The following CFAP157 variants were observed in gnomAD, a reference collection of about 807,000 sequenced individuals.
The protein encoded by CFAP157 is cilia- and flagella-associated protein 157.
Under a neutral mutation model 57.8 loss-of-function variants are expected in CFAP157, and 43 were observed. The observed-to-expected ratio is 0.74, with a 90% CI of 0.58 to 0.96. The LOEUF (loss-of-function observed/expected upper bound fraction) is 0.96. CFAP157 is among the 40% of genes least tolerant of loss of function. The probability of loss-of-function intolerance (pLI) is 0.00; values close to 1 mark genes in which losing one functional copy is unlikely to be tolerated. For missense variants in CFAP157, 606 were observed against 655.3 expected, an observed-to-expected ratio of 0.92 and a Z score of 0.82; for synonymous variants, 267 against 269.0, an observed-to-expected ratio of 0.99 and a Z score of 0.07.
intron 4 of CFAP157, 46 bp from the exon 5 acceptor site, chr9:127,711,774 G>A (rs554195043): frequency 6.5e-7 from 1 of 1,537,878 alleles, no homozygotes; most frequent in Admixed American, 2.0e-5. Flanking sequence ...TCTGCAGCTG[G>A]GGGACAGGGC....
chr9:127,715,079 T>C lies in CFAP157; in HGVS notation c.*1174T>C. ...GGCCAGGGCGAGGTCGGCGGCACAG[T>C]GCCGGTCGCGCGTCCAACTCTCCGC... On this transcript the variant is annotated 3_prime_UTR_variant, in exon 9 of 9. Coordinates refer to ENST00000373295, the MANE Select transcript of CFAP157 (RefSeq NM_001012502.3). The surrounding 1 kb of genome is among the most constrained non-coding windows in gnomAD (Gnocchi z 5.8). 6.5e-7 allele frequency: 1 copy of C among 1,531,708 alleles called. No individual in the cohort carries two copies. The highest frequency in any genetic ancestry group is 8.7e-7 in the Non-Finnish European group (1 of 1,145,118). The allele number at this position is 1,531,708 out of a possible 1,614,324, so 94.9% of individuals were successfully genotyped here.
chr9:127,715,176 G>C lies in CFAP157; in HGVS notation c.*1271G>C, dbSNP rs1333314638. The C allele has an allele frequency of 6.5e-7, 1 of 1,529,390 alleles. No individual in the cohort carries two copies. The highest frequency in any genetic ancestry group is 2.0e-5 in the Admixed American group (1 of 50,162). 94.7% of individuals were successfully genotyped at this position (1,529,390 alleles called of 1,614,324 possible). On this transcript the variant is annotated 3_prime_UTR_variant, in exon 9 of 9. Coordinates refer to ENST00000373295, the MANE Select transcript of CFAP157 (RefSeq NM_001012502.3). This position sits in a 1 kb window ranked among gnomAD's most constrained non-coding sequence, Gnocchi z 5.8. The stretch of plus-strand genomic sequence containing the variant: ...CTGTGTCGCGTGCCGGGCAGTCCGG[G>C]ATTCCCCAGGCCAGCCACCTGCGGG...
rs560781863 is a variant in CFAP157 at position 127,709,201 on chromosome 9, A to G, written c.162-221A>G. On this transcript the variant is annotated intron_variant, in intron 1 of 8. Coordinates refer to ENST00000373295, the MANE Select transcript of CFAP157 (RefSeq NM_001012502.3). The surrounding 1 kb of genome is among the most constrained non-coding windows in gnomAD (Gnocchi z 4.7). Reference sequence around the variant, plus strand: ...AAGGCCCTGCCCTCATGGAGTTTACATTCTAGTGATGTAATGAAAATAACA... The same window carrying G: ...AAGGCCCTGCCCTCATGGAGTTTACGTTCTAGTGATGTAATGAAAATAACA... 1.4e-3 allele frequency among the ~76,000 whole-genome samples: 211 copies of G among 152,378 alleles called. No individual in the cohort carries two copies. Among genetic ancestry groups the G allele is most frequent in the Non-Finnish European group, 2.5e-3 (168 of 68,038 alleles).
At chr9:127,711,103 A>G (rs968023325) in intron 3 of CFAP157, 126 bp from the exon 4 acceptor site, 3 of 1,258,200 alleles carry the variant, frequency 2.4e-6, no homozygotes, top group South Asian at 3.1e-5. Flanking sequence ...CATAGCCCCA[A>G]CCCTCCCAGG....
Position 127,715,974 on chromosome 9 carries a change from T to A in CFAP157, c.*2069T>A. The stretch of plus-strand genomic sequence containing the variant: ...CCTTTCCCCGCTGTAGGCCTCAACC[T>A]CTCCAGCTAATAAAAGTTTTCTACC... On this transcript the variant is annotated 3_prime_UTR_variant, in exon 9 of 9. Transcript: ENST00000373295. This position sits in a 1 kb window ranked among gnomAD's most constrained non-coding sequence, Gnocchi z 5.8. 1 of 957,506 alleles carries A rather than the reference T, an allele frequency of 1.0e-6. No homozygotes were observed. The highest frequency in any genetic ancestry group is 1.6e-6 in the Non-Finnish European group (1 of 627,338). The allele number at this position is 957,506 out of a possible 1,614,324, so 59.3% of individuals were successfully genotyped here. A position where few individuals can be genotyped will look rare whatever the true frequency, so the allele number is the denominator to read the frequency against.
Position 127,715,109 on chromosome 9 carries a change from CCCAGCCG to C in CFAP157, c.*1207_*1213del. The C allele has an allele frequency of 6.5e-7, 1 of 1,534,132 alleles. No homozygotes were observed. The highest frequency in any genetic ancestry group is 8.7e-7 in the Non-Finnish European group (1 of 1,146,050). Reference sequence around the variant, plus strand: ...GTCGCGCGTCCAACTCTCCGCCACACCCAGCCGCCGCGCCAGCTGCCCCAGCACCGCC... The same window carrying C: ...GTCGCGCGTCCAACTCTCCGCCACACCCGCGCCAGCTGCCCCAGCACCGCC... On this transcript the variant is annotated 3_prime_UTR_variant, in exon 9 of 9. Transcript: ENST00000373295. This position sits in a 1 kb window ranked among gnomAD's most constrained non-coding sequence, Gnocchi z 5.8.
Position 127,711,835 on chromosome 9 carries a change from A to T in CFAP157, c.871A>T (p.Thr291Ser). 2 of 1,569,928 alleles carry T rather than the reference A, an allele frequency of 1.3e-6. No homozygotes were observed. The highest frequency in any genetic ancestry group is 1.7e-6 in the Non-Finnish European group (2 of 1,157,638). ...RGHQKIILMLTKKCQEQQQDT... is the reference protein window; with the variant it reads ...RGHQKIILMLSKKCQEQQQDT... ...GCACCCGCAGATCATCCTCATGCTGACTAAGAAGTGCCAGGAGCAGCAGCA... is the reference window on the plus strand; with the variant it reads ...GCACCCGCAGATCATCCTCATGCTGTCTAAGAAGTGCCAGGAGCAGCAGCA... The change falls in exon 5 of 9, where the codon ACT (threonine) becomes TCT (serine). Residue 291 changes from threonine (T) to serine (S), a missense_variant. Physicochemically the swap from Thr to Ser is moderately conservative, Grantham distance 58. Transcript: ENST00000373295.
intron 1 of CFAP157, among the ~76,000 whole-genome samples, chr9:127,708,316 A>G (rs1451642283): frequency 6.6e-6 from 1 of 152,074 alleles, no homozygotes; most frequent in Non-Finnish European, 1.5e-5. Context: ...GTCTCTACTA[A>G]AAATACAAAA....
Position 127,712,184 on chromosome 9 carries a change from C to T in CFAP157, c.987-15C>T. 1 of 1,613,590 alleles carries T rather than the reference C, an allele frequency of 6.2e-7. No individual in the cohort carries two copies. The highest frequency in any genetic ancestry group is 8.5e-7 in the Non-Finnish European group (1 of 1,179,864). On this transcript the variant is annotated splice_polypyrimidine_tract_variant and intron_variant, in intron 5 of 8. Coordinates refer to ENST00000373295, the MANE Select transcript of CFAP157 (RefSeq NM_001012502.3). ...GAAGGGGGAAGGCTGTTGACTCATC[C>T]CAGTTGGGGTCCAGGAGCCAGAGAG... is the stretch of plus-strand genomic sequence containing the variant.
At position 127,711,398 on chromosome 9, in the gene CFAP157, G is replaced by C. The variant is rs781304068; in HGVS notation, c.757G>C (p.Glu253Gln). Residue 253 changes from glutamate to glutamine, a missense_variant, in exon 4 of 9, where the codon GAG becomes CAG. By Grantham distance (29) the Glu-to-Gln change is conservative (BLOSUM62 2). Coordinates refer to ENST00000373295, the MANE Select transcript of CFAP157 (RefSeq NM_001012502.3). ...AGGCATGAAGCTGCTGCAGGAGAAT[G>C]AGCAGCTCAAGGGAAGACAGAACAA... ...QQGMKLLQEN[E>Q]QLKGRQNNLC... 4.3e-6 allele frequency: 7 copies of C among 1,614,070 alleles called. No homozygotes were observed. The African/African-American group carries it at 9.3e-5, about 22-fold the overall frequency.
In CFAP157 at chr9:127,712,387, G is replaced by A. The variant is rs369379655; in HGVS notation, c.1137+38G>A. 30 of 1,608,900 alleles carry A rather than the reference G, an allele frequency of 1.9e-5. No individual in the cohort carries two copies. In the African/African-American group the frequency reaches 3.1e-4, roughly 16 times the overall value. On this transcript the variant is annotated intron_variant, in intron 6 of 8. Coordinates refer to ENST00000373295, the MANE Select transcript of CFAP157 (RefSeq NM_001012502.3). ...GAGAGAGGGAGGGCGCAAGGGGAGGGGGAGTGAGCGCAAGATGGAAGCTGC... is the reference window on the plus strand; with the variant it reads ...GAGAGAGGGAGGGCGCAAGGGGAGGAGGAGTGAGCGCAAGATGGAAGCTGC...
intron 1 of CFAP157, among the ~76,000 whole-genome samples, chr9:127,708,631 A>G (rs1322918523): frequency 6.6e-6 from 1 of 152,246 alleles, no homozygotes; most frequent in East Asian, 1.9e-4. Context: ...CAGGTAGAAT[A>G]TATTCAAGGC....
chr9:127,715,780 CGGCGAGGCGGTG>C lies in CFAP157; in HGVS notation c.*1877_*1888del, dbSNP rs1842964923. 2.7e-6 allele frequency: 4 copies of C among 1,486,634 alleles called. No homozygotes were observed. Among genetic ancestry groups the C allele is most frequent in the Non-Finnish European group, 1.8e-6 (2 of 1,119,410 alleles). 92.1% of individuals were successfully genotyped at this position (1,486,634 alleles called of 1,614,324 possible). A position where few individuals can be genotyped will look rare whatever the true frequency, so the allele number is the denominator to read the frequency against. On this transcript the variant is annotated 3_prime_UTR_variant, in exon 9 of 9. Transcript: ENST00000373295. This position sits in a 1 kb window ranked among gnomAD's most constrained non-coding sequence, Gnocchi z 5.8. ...CCGCCATGCTTCTGAGGGGCGGAAG[CGGCGAGGCGGTG>C]GCCGAGTCCGGGAACCCAGGCGCCT...
chr9:127,709,455 G>A lies in CFAP157; in HGVS notation c.195G>A (p.Gln65=). Residue 65 remains glutamine (Q), a synonymous_variant, in exon 2 of 9, where the codon CAG becomes CAA. Coordinates refer to ENST00000373295, the MANE Select transcript of CFAP157 (RefSeq NM_001012502.3). The surrounding 1 kb of genome is among the most constrained non-coding windows in gnomAD (Gnocchi z 4.7). ...GGAAGTGGGATGAGCTGGCTGTGCA[G>A]GAGAAGATGTTCCGCCAGGAGTTTG... The part of the protein sequence containing the change: ...YQRKWDELAV[Q]EKMFRQEFEQ... 6.2e-7 allele frequency: 1 copy of A among 1,613,786 alleles called. No homozygotes were observed. The highest frequency in any genetic ancestry group is 8.5e-7 in the Non-Finnish European group (1 of 1,179,962).
At chr9:127,712,468 C>T in intron 6 of CFAP157, 119 bp downstream of exon 6, 1 of 1,466,212 alleles carries the variant, frequency 6.8e-7, no homozygotes, top group Non-Finnish European at 9.2e-7. Context: ...TGAGAGACTC[C>T]TGGAAAGTCT....
chr9:127,709,348 G>A lies in CFAP157; in HGVS notation c.162-74G>A, dbSNP rs1299691563. 13 of 1,497,374 alleles carry A rather than the reference G, an allele frequency of 8.7e-6. No individual in the cohort carries two copies. Among genetic ancestry groups the A allele is most frequent in the Non-Finnish European group, 1.2e-5 (13 of 1,102,514 alleles). 92.8% of individuals were successfully genotyped at this position (1,497,374 alleles called of 1,614,324 possible). ...CCTTTACGGGACAGGGAGTCCAGGA[G>A]AGTGGGCCCAGCTGCACCAGAGGCC... On this transcript the variant is annotated intron_variant, in intron 1 of 8. Coordinates refer to ENST00000373295, the MANE Select transcript of CFAP157 (RefSeq NM_001012502.3). This position sits in a 1 kb window ranked among gnomAD's most constrained non-coding sequence, Gnocchi z 4.7.
Position 127,712,839 on chromosome 9 carries a change from A to G in CFAP157, c.1268A>G (p.His423Arg). The G allele has an allele frequency of 1.2e-6, 2 of 1,613,378 alleles. No individual in the cohort carries two copies. Among genetic ancestry groups the G allele is most frequent in the Non-Finnish European group, 1.7e-6 (2 of 1,179,650 alleles). The stretch of plus-strand genomic sequence containing the variant: ...AGACCTCAGAAGGCTGCGTGTCCCC[A>G]CCAGGAGTCACAGTCCCATGGCCCA... Reference protein sequence around the residue: ...ATRPQKAACPHQESQSHGPPK... With the variant: ...ATRPQKAACPRQESQSHGPPK... The change falls in exon 7 of 9, where the codon CAC (histidine) becomes CGC (arginine). Residue 423 changes from histidine to arginine, a missense_variant. Transcript: ENST00000373295.
intron 5 of CFAP157, 25 bp from the exon 6 acceptor site, chr9:127,712,174 T>C (rs1842781136): frequency 3.1e-6 from 5 of 1,613,068 alleles, no homozygotes; most frequent in Non-Finnish European, 4.2e-6. Flanking sequence ...GGGAAGGCTG[T>C]TGACTCATCC....
In CFAP157 at chr9:127,715,753, G is replaced by A. The variant is rs561766440; in HGVS notation, c.*1848G>A. ...ACGTCCAATCCGGGCCGGGCTACGT[G>A]GCCGCCATGCTTCTGAGGGGCGGAA... On this transcript the variant is annotated 3_prime_UTR_variant, in exon 9 of 9. Transcript: ENST00000373295. This position sits in a 1 kb window ranked among gnomAD's most constrained non-coding sequence, Gnocchi z 5.8. The A allele has an allele frequency of 4.3e-5, 66 of 1,530,872 alleles. No individual in the cohort carries two copies. In the Admixed American group the frequency reaches 1.0e-3, roughly 23 times the overall value. The allele number at this position is 1,530,872 out of a possible 1,614,324, so 94.8% of individuals were successfully genotyped here. A position where few individuals can be genotyped will look rare whatever the true frequency, so the allele number is the denominator to read the frequency against.
Sources: allele counts gnomAD v4.1 joint callset (sites outside exome capture counted in the v4.1 genomes callset), GRCh38; gene constraint gnomAD v4.1.1; non-coding constraint Gnocchi (gnomAD v3.1); transcripts MANE v1.5; gene names NCBI Gene and HGNC (gene_info 2026-07-23, HGNC 2026-07-21).